AGO3: variants seen among roughly 807,000 people sequenced by gnomAD.
AGO3 encodes argonaute RISC catalytic component 3, also known as protein argonaute-3.
Under a neutral mutation model 105.5 loss-of-function variants are expected in AGO3, and 16 were observed. The observed-to-expected ratio is 0.15, with a 90% CI of 0.10 to 0.23. The LOEUF (loss-of-function observed/expected upper bound fraction) is 0.23. AGO3 is among the 10% of genes least tolerant of loss of function. AGO3 has a pLI of 1.00. For missense variants in AGO3, 534 were observed against 1,088.0 expected, an observed-to-expected ratio of 0.49 and a Z score of 7.16; for synonymous variants, 340 against 367.3, an observed-to-expected ratio of 0.93 and a Z score of 0.85.
At chr1:36,011,392 A>G (rs1040731480) in intron 9 of AGO3, among the ~76,000 whole-genome samples, 8 of 152,168 alleles carry the variant, frequency 5.3e-5, no homozygotes, top group African/African-American at 1.9e-4. Flanking sequence ...TAAAGAGTCA[A>G]AGAAAGTTAT....
At chr1:36,002,324 AT>A (rs375411955) in intron 5 of AGO3, among the ~76,000 whole-genome samples, 1,721 of 119,232 alleles carry the variant, frequency 0.014, 13 homozygotes, top group African/African-American at 0.045. Context: ...AGCCAAGATA[AT>A]TTTTTTTTTT....
chr1:35,980,117 C>T (rs758896801), intron 5 of AGO3, among the ~76,000 whole-genome samples: 48 of 152,104 alleles, frequency 3.2e-4, no homozygotes, highest in Admixed American at 3.9e-4. Context: ...TCATATGATA[C>T]CTATCTTCCT....
rs987865976 is a variant in AGO3, at chr1:35,945,610, T to C, written c.20-82T>C. On this transcript the variant is annotated intron_variant, in intron 1 of 18. Coordinates refer to ENST00000373191, the MANE Select transcript of AGO3 (RefSeq NM_024852.4). The stretch of plus-strand genomic sequence containing the variant: ...TTTTAGCCATTATCAGCTGTACTTA[T>C]AATTCTAATATACTCTGGTTGACAA... 5.7e-6 allele frequency: 8 copies of C among 1,405,758 alleles called. No homozygotes were observed. In the African/African-American group the frequency reaches 7.2e-5, roughly 13 times the overall value. The allele number at this position is 1,405,758 out of a possible 1,614,324, so 87.1% of individuals were successfully genotyped here.
intron 12 of AGO3, among the ~76,000 whole-genome samples, chr1:36,032,027 ATC>A (rs1187748535): frequency 1.3e-5 from 2 of 152,102 alleles, no homozygotes; most frequent in Non-Finnish European, 2.9e-5. Flanking sequence ...GTGTACAAAT[ATC>A]TCTTCACAAC....
chr1:35,994,042 A>ATTTTTTTTTTTTTTTT (rs759085356), intron 5 of AGO3, among the ~76,000 whole-genome samples: 1 of 65,838 alleles, frequency 1.5e-5, no homozygotes, highest in African/African-American at 7.1e-5. Flanking sequence ...CTGCGCCCAG[A>ATTTTTTTTTTTTTTTT]TTTTTTTTTT....
chr1:36,005,676 T>G, intron 6 of AGO3: 1 of 969,236 alleles, frequency 1.0e-6, no homozygotes, highest in Non-Finnish European at 1.2e-6. Context: ...TACATTATTT[T>G]GCGGTAACTA....
intron 9 of AGO3, among the ~76,000 whole-genome samples, chr1:36,012,760 A>G (rs948902120): frequency 2.6e-5 from 4 of 152,108 alleles, no homozygotes; most frequent in Admixed American, 6.6e-5. Flanking sequence ...ATTAGGTTCA[A>G]TCATACAAAA....
At chr1:35,946,341 A>T (rs757004673) in intron 2 of AGO3, among the ~76,000 whole-genome samples, 12 of 152,216 alleles carry the variant, frequency 7.9e-5, no homozygotes, top group Non-Finnish European at 1.2e-4. Flanking sequence ...GAATAAGTAC[A>T]GATGGTATAT....
intron 17 of AGO3, among the ~76,000 whole-genome samples, chr1:36,049,388 C>T (rs541569896): frequency 2.1e-4 from 32 of 152,000 alleles, no homozygotes. Flanking sequence ...CATGGTGGCA[C>T]GCACCTGTAG....
intron 14 of AGO3, 48 bp from the exon 15 acceptor site, chr1:36,039,742 C>A: frequency 8.7e-7 from 1 of 1,146,422 alleles, no homozygotes; most frequent in South Asian, 3.2e-5. Flanking sequence ...TTTTGATTAT[C>A]ATTTATTTTT....
intron 6 of AGO3, among the ~76,000 whole-genome samples, chr1:36,005,533 A>G (rs1640299637): frequency 6.6e-6 from 1 of 152,178 alleles, no homozygotes; most frequent in South Asian, 2.1e-4. Context: ...TCCTTTCATG[A>G]TCTGTATTAA....
intron 3 of AGO3, among the ~76,000 whole-genome samples, chr1:35,967,581 A>AT (rs1406018482): frequency 1.3e-5 from 2 of 151,662 alleles, no homozygotes; most frequent in East Asian, 3.9e-4. Flanking sequence ...CTCTTGGCTA[A>AT]TTTTTTTGTG....
chr1:36,055,384 T>C lies in AGO3; in HGVS notation c.2474+239T>C, dbSNP rs1642882768. On this transcript the variant is annotated intron_variant, in intron 18 of 18. Transcript: ENST00000373191. The surrounding 1 kb of genome is among the most constrained non-coding windows in gnomAD (Gnocchi z 4.4). ...GGAGAGATTATTGGTAATAAAGTGA[T>C]ACATTCAGACAGATAGACAAAATGA... 4.9e-6 allele frequency: 3 copies of C among 611,170 alleles called. No individual in the cohort carries two copies. The African/African-American group carries it at 5.5e-5, about 11-fold the overall frequency. 37.9% of individuals were successfully genotyped at this position (611,170 alleles called of 1,614,324 possible).
At chr1:36,023,285 A>T (rs1300734403) in intron 11 of AGO3, among the ~76,000 whole-genome samples, 1 of 152,198 alleles carries the variant, frequency 6.6e-6, no homozygotes, top group African/African-American at 2.4e-5. Context: ...GGACACAGAG[A>T]GTCTGACTGG....
chr1:35,980,943 C>T (rs191803413), intron 5 of AGO3, among the ~76,000 whole-genome samples: 13 of 152,108 alleles, frequency 8.5e-5, no homozygotes, highest in African/African-American at 3.1e-4. Flanking sequence ...ATATTTTTAC[C>T]ATGTGCTCAT....
chr1:36,005,903 G>GT (rs910112618), intron 6 of AGO3: 5 of 984,512 alleles, frequency 5.1e-6, no homozygotes, highest in Admixed American at 6.2e-5. Context: ...AGCCAAAAGT[G>GT]TTTTTTTGGT....
intron 2 of AGO3, among the ~76,000 whole-genome samples, chr1:35,955,425 A>C (rs896496322): frequency 1.3e-5 from 2 of 152,214 alleles, no homozygotes; most frequent in African/African-American, 2.4e-5. Context: ...CTGTAGAAAA[A>C]GATGAGAAAG....
intron 17 of AGO3, among the ~76,000 whole-genome samples, chr1:36,051,809 G>A (rs1196414639): frequency 6.6e-6 from 1 of 152,140 alleles, no homozygotes; most frequent in African/African-American, 2.4e-5. Flanking sequence ...GAGTAATTGA[G>A]ACGATCAAGA....
At chr1:35,981,596 AG>A (rs1409803665) in intron 5 of AGO3, among the ~76,000 whole-genome samples, 2 of 152,196 alleles carry the variant, frequency 1.3e-5, no homozygotes, top group Non-Finnish European at 2.9e-5. Context: ...GGTATACAGG[AG>A]TTTTTTGTAC....
Sources: allele counts gnomAD v4.1 joint callset (sites outside exome capture counted in the v4.1 genomes callset), GRCh38; gene constraint gnomAD v4.1.1; non-coding constraint Gnocchi (gnomAD v3.1); transcripts MANE v1.5; gene names NCBI Gene and HGNC (gene_info 2026-07-23, HGNC 2026-07-21).